Variants in TRIO observed in about 807,000 individuals in gnomAD.
TRIO encodes the protein triple functional domain protein.
TRIO carries 58 observed loss-of-function variants against 351.9 expected under a neutral mutation model. That is an observed-to-expected ratio of 0.16 (90% CI 0.13 to 0.21). The LOEUF (loss-of-function observed/expected upper bound fraction) is 0.21, where lower values mean the gene tolerates loss of function less well. Ranked by LOEUF, TRIO falls within the 10% of genes least tolerant of loss-of-function variation. The pLI, the probability that TRIO is intolerant of heterozygous loss-of-function variation, is 1.00. For missense variants in TRIO, 3,201 were observed against 4,027.8 expected (o/e 0.79, Z 5.56); for synonymous variants, 1,758 against 1,595.7 (o/e 1.10, Z -2.42).
chr5:14,149,518 C>T (rs918563808), intron 1 of TRIO, among the ~76,000 whole-genome samples: 1 of 152,166 alleles, frequency 6.6e-6, no homozygotes, highest in African/African-American at 2.4e-5. Flanking sequence ...ATCACCTGCC[C>T]CCCGGGAAAG....
intron 34 of TRIO, among the ~76,000 whole-genome samples, chr5:14,427,115 G>A (rs939751763): frequency 6.6e-6 from 1 of 152,046 alleles, no homozygotes; most frequent in African/African-American, 2.4e-5. Flanking sequence ...GCAAAGCCAG[G>A]GTGTGTTTCC....
At chr5:14,491,995 G>A (rs778414181) in intron 48 of TRIO, among the ~76,000 whole-genome samples, 2 of 152,154 alleles carry the variant, frequency 1.3e-5, no homozygotes, top group Admixed American at 6.6e-5. Context: ...ACGTTCAGGG[G>A]TTCCATGTTC....
In TRIO at chr5:14,247,153, G is replaced by C. The variant is rs866420312; in HGVS notation, c.158-23672G>C. 1.1e-4 allele frequency among the ~76,000 whole-genome samples: 16 copies of C among 152,342 alleles called. No homozygotes were observed. The Middle Eastern group carries it at 0.01, about 97-fold the overall frequency. Reference sequence around the variant, plus strand: ...GCCTGGTGGCCCCTCAGTGAGCCTCGTGTGCTTTCTTCACGTTGGTGTTAG... The same window carrying C: ...GCCTGGTGGCCCCTCAGTGAGCCTCCTGTGCTTTCTTCACGTTGGTGTTAG... On this transcript the variant is annotated intron_variant, in intron 1 of 56. Transcript: ENST00000344204.
At chr5:14,210,425 A>G (rs746733207) in intron 1 of TRIO, among the ~76,000 whole-genome samples, 3 of 152,246 alleles carry the variant, frequency 2.0e-5, no homozygotes, top group East Asian at 1.9e-4. Flanking sequence ...GCAGCCAGCC[A>G]TTTTGTGGCC....
chr5:14,432,581 G>T (rs754425410), intron 34 of TRIO, among the ~76,000 whole-genome samples: 6 of 152,158 alleles, frequency 3.9e-5, no homozygotes, highest in Non-Finnish European at 8.8e-5. Context: ...GCATTCCACT[G>T]CCCAGAGAAG....
intron 1 of TRIO, among the ~76,000 whole-genome samples, chr5:14,250,534 G>C (rs1794682073): frequency 6.6e-6 from 1 of 152,208 alleles, no homozygotes; most frequent in Non-Finnish European, 1.5e-5. Flanking sequence ...GAGATGCTCT[G>C]TTGCCATTAG....
chr5:14,187,019 G>A (rs984407525), intron 1 of TRIO, among the ~76,000 whole-genome samples: 26 of 152,180 alleles, frequency 1.7e-4, no homozygotes, highest in Non-Finnish European at 1.5e-5. Context: ...GATAGGGCGT[G>A]AGGGCTTGGT....
chr5:14,275,534 TG>T (rs1293812944), intron 2 of TRIO, among the ~76,000 whole-genome samples: 5 of 152,078 alleles, frequency 3.3e-5, no homozygotes, highest in African/African-American at 9.7e-5. Context: ...ATCTAGTTTT[TG>T]TGTTTGCTTT....
chr5:14,481,668 CT>C (rs751783841), intron 45 of TRIO, 50 bp downstream of exon 45: 4 of 1,586,746 alleles, frequency 2.5e-6, no homozygotes, highest in South Asian at 1.1e-5. Flanking sequence ...TCATCTCTTT[CT>C]TTTGTCTTGG....
chr5:14,223,307 C>T (rs912465607), intron 1 of TRIO, among the ~76,000 whole-genome samples: 1 of 152,158 alleles, frequency 6.6e-6, no homozygotes, highest in African/African-American at 2.4e-5. Flanking sequence ...CTTTTGAGTT[C>T]CCCCAGAAAA....
At chr5:14,457,126 C>G (rs901300752) in intron 34 of TRIO, among the ~76,000 whole-genome samples, 8 of 152,154 alleles carry the variant, frequency 5.3e-5, no homozygotes, top group Non-Finnish European at 1.2e-4. Flanking sequence ...TTGCAGACTT[C>G]TGAAACAAAA....
intron 27 of TRIO, 58 bp from the exon 28 acceptor site, chr5:14,393,980 C>A: frequency 1.7e-6 from 2 of 1,148,438 alleles, no homozygotes; most frequent in Non-Finnish European, 2.5e-6. Context: ...GTTTTATGGC[C>A]ATGATTTAAT....
chr5:14,480,140 A>C, intron 43 of TRIO, 129 bp downstream of exon 43: 2 of 807,590 alleles, frequency 2.5e-6, no homozygotes, highest in Non-Finnish European at 3.8e-6. Context: ...ATTTCTGATA[A>C]GTTAAACCTT....
At chr5:14,381,287 A>G (rs2152354242) in intron 21 of TRIO, 35 bp downstream of exon 21, 1 of 1,560,250 alleles carries the variant, frequency 6.4e-7, no homozygotes, top group South Asian at 1.2e-5. Flanking sequence ...AGTGGCCTCT[A>G]AGTCGAAAGC....
At chr5:14,145,764 T>C (rs1787482678) in intron 1 of TRIO, among the ~76,000 whole-genome samples, 2 of 152,218 alleles carry the variant, frequency 1.3e-5, no homozygotes, top group African/African-American at 4.8e-5. Flanking sequence ...TCACTTCTGC[T>C]GCTGCTAAGA....
At chr5:14,477,507 A>T (rs183381798) in intron 41 of TRIO, among the ~76,000 whole-genome samples, 1 of 152,194 alleles carries the variant, frequency 6.6e-6, no homozygotes, top group Non-Finnish European at 1.5e-5. Flanking sequence ...TGGTTCAAGT[A>T]TCCAAACAAA....
At chr5:14,438,034 T>C (rs1020498232) in intron 34 of TRIO, among the ~76,000 whole-genome samples, 6 of 152,212 alleles carry the variant, frequency 3.9e-5, no homozygotes, top group Non-Finnish European at 8.8e-5. Flanking sequence ...TTTTAAATTG[T>C]GTGTCCAGCC....
chr5:14,317,770 C>T (rs570452868), intron 9 of TRIO, among the ~76,000 whole-genome samples: 17 of 151,846 alleles, frequency 1.1e-4, no homozygotes, highest in African/African-American at 3.4e-4. Context: ...GATGGCAGAT[C>T]GCTTGACGCC....
chr5:14,306,071 T>C (rs569905446), intron 8 of TRIO, among the ~76,000 whole-genome samples: 1 of 151,672 alleles, frequency 6.6e-6, no homozygotes, highest in East Asian at 1.9e-4. Flanking sequence ...CGAAATTGCC[T>C]AATGATTCAT....
Sources: allele counts gnomAD v4.1 joint callset (sites outside exome capture counted in the v4.1 genomes callset), GRCh38; gene constraint gnomAD v4.1.1; transcripts MANE v1.5; gene names NCBI Gene and HGNC (gene_info 2026-07-23, HGNC 2026-07-21).